Variants in RPS6KC1 observed in about 807,000 individuals in gnomAD.
The protein encoded by RPS6KC1 is inactive ribosomal protein S6 kinase delta-1.
RPS6KC1 carries 54 observed loss-of-function variants against 103.8 expected under a neutral mutation model. That is an observed-to-expected ratio of 0.52 (90% CI 0.42 to 0.65). RPS6KC1 has a LOEUF of 0.65. RPS6KC1 is among the 30% of genes least tolerant of loss of function. The pLI is 0.00. For synonymous variants in RPS6KC1, 439 were observed against 438.7 expected, an observed-to-expected ratio of 1.00 and a Z score of -0.01; for missense variants, 1,151 against 1,253.8, an observed-to-expected ratio of 0.92 and a Z score of 1.24.
chr1:213,526,996 T>C, the RPS6KC1 span, among the ~76,000 whole-genome samples: 1 of 152,268 alleles, frequency 6.6e-6, no homozygotes, highest in Non-Finnish European at 1.5e-5. Flanking sequence ...AATTGACATC[T>C]ATTCACAGCC....
chr1:213,139,014 G>A (rs1572774952), intron 6 of RPS6KC1, among the ~76,000 whole-genome samples: 1 of 152,092 alleles, frequency 6.6e-6, no homozygotes, highest in African/African-American at 2.4e-5. Context: ...TCACTGGCAT[G>A]TGTTATTTTT....
the RPS6KC1 span, among the ~76,000 whole-genome samples, chr1:213,673,868 C>T: frequency 6.6e-6 from 1 of 152,006 alleles, no homozygotes; most frequent in African/African-American, 2.4e-5. Context: ...TCAGGGGGTA[C>T]ATGTATAGGT....
intron 4 of RPS6KC1, 133 bp from the exon 5 acceptor site, chr1:213,117,184 G>T: frequency 4.0e-6 from 2 of 505,840 alleles, no homozygotes; most frequent in East Asian, 3.4e-5. Flanking sequence ...GAAAACACTT[G>T]TCATCTAGTT....
intron 6 of RPS6KC1, among the ~76,000 whole-genome samples, chr1:213,147,622 G>A (rs903879700): frequency 6.6e-6 from 1 of 152,112 alleles, no homozygotes; most frequent in Non-Finnish European, 1.5e-5. Context: ...TTTGAAGTCA[G>A]GTTATGTGAT....
At chr1:213,565,709 A>C in the RPS6KC1 span, among the ~76,000 whole-genome samples, 4 of 152,194 alleles carry the variant, frequency 2.6e-5, no homozygotes, top group African/African-American at 9.7e-5. Context: ...TACACTTATT[A>C]TTTGTATATT....
chr1:213,749,392 G>A, the RPS6KC1 span, among the ~76,000 whole-genome samples: 1 of 152,174 alleles, frequency 6.6e-6, no homozygotes. Context: ...TCTGGATATA[G>A]AACAGGGGGG....
the RPS6KC1 span, among the ~76,000 whole-genome samples, chr1:213,811,251 G>A: frequency 1.3e-5 from 2 of 152,160 alleles, no homozygotes; most frequent in African/African-American, 4.8e-5. Context: ...ATCTGTATCT[G>A]CTCTGCATGG....
At chr1:213,458,902 G>T in the RPS6KC1 span, among the ~76,000 whole-genome samples, 1 of 152,054 alleles carries the variant, frequency 6.6e-6, no homozygotes, top group Non-Finnish European at 1.5e-5. Context: ...TTATGTGATG[G>T]ATTACGTTTG....
the RPS6KC1 span, among the ~76,000 whole-genome samples, chr1:213,643,392 G>A: frequency 6.6e-6 from 1 of 151,428 alleles, no homozygotes; most frequent in Admixed American, 6.6e-5. Context: ...ATATCTTATA[G>A]TTTCATTGAT....
chr1:213,183,278 T>C (rs1365449636), intron 8 of RPS6KC1, among the ~76,000 whole-genome samples: 2 of 152,130 alleles, frequency 1.3e-5, no homozygotes, highest in East Asian at 3.9e-4. Context: ...TCAGCAACAA[T>C]ACAGAAGAAC....
the RPS6KC1 span, among the ~76,000 whole-genome samples, chr1:213,450,663 T>G: frequency 1.9e-4 from 29 of 152,288 alleles, no homozygotes; most frequent in Non-Finnish European, 3.8e-4. Context: ...CTCATAGAAC[T>G]TATCTCTGGG....
At chr1:213,686,149 A>G in the RPS6KC1 span, among the ~76,000 whole-genome samples, 2 of 152,202 alleles carry the variant, frequency 1.3e-5, no homozygotes, top group Non-Finnish European at 2.9e-5. Flanking sequence ...CCCAACAATA[A>G]AAAAGTACAA....
At chr1:213,497,950 A>T in the RPS6KC1 span, among the ~76,000 whole-genome samples, 1 of 152,174 alleles carries the variant, frequency 6.6e-6, no homozygotes, top group African/African-American at 2.4e-5. Flanking sequence ...TTGTGTCAAG[A>T]TATAACTAAA....
At chr1:213,813,383 C>T in the RPS6KC1 span, among the ~76,000 whole-genome samples, 1 of 151,782 alleles carries the variant, frequency 6.6e-6, no homozygotes, top group African/African-American at 2.4e-5. Flanking sequence ...CCAGCCCAGC[C>T]TGTTCCATGT....
At chr1:213,510,247 T>C in the RPS6KC1 span, among the ~76,000 whole-genome samples, 1 of 152,244 alleles carries the variant, frequency 6.6e-6, no homozygotes, top group Non-Finnish European at 1.5e-5. Flanking sequence ...TCCTCCATTA[T>C]GTACTTGTAA....
At chr1:213,809,580 T>A in the RPS6KC1 span, among the ~76,000 whole-genome samples, 3 of 152,184 alleles carry the variant, frequency 2.0e-5, no homozygotes, top group African/African-American at 7.2e-5. Flanking sequence ...TATAATCTAG[T>A]TGGCCAAAGT....
chr1:213,520,542 G>T, the RPS6KC1 span, among the ~76,000 whole-genome samples: 1 of 152,014 alleles, frequency 6.6e-6, no homozygotes, highest in African/African-American at 2.4e-5. Context: ...GGTAAGAAAG[G>T]GACTTAAAAG....
chr1:213,595,424 A>G, the RPS6KC1 span, among the ~76,000 whole-genome samples: 1 of 152,216 alleles, frequency 6.6e-6, no homozygotes, highest in African/African-American at 2.4e-5. Flanking sequence ...GGGCAGAGGA[A>G]AAGGTGATGA....
the RPS6KC1 span, among the ~76,000 whole-genome samples, chr1:213,487,637 C>G: frequency 6.6e-6 from 1 of 152,088 alleles, no homozygotes; most frequent in South Asian, 2.1e-4. Context: ...GTTAATTCAT[C>G]TGGAATCAGG....
Sources: allele counts gnomAD v4.1 joint callset (sites outside exome capture counted in the v4.1 genomes callset), GRCh38; gene constraint gnomAD v4.1.1; transcripts MANE v1.5; gene names NCBI Gene and HGNC (gene_info 2026-07-23, HGNC 2026-07-21).